CADM1: variants seen among roughly 807,000 people sequenced by gnomAD.
CADM1 encodes the protein TSLC-1.
CADM1 carries 15 observed loss-of-function variants against 53.1 expected under a neutral mutation model. That is an observed-to-expected ratio of 0.28 (90% CI 0.19 to 0.44). CADM1 has a LOEUF of 0.44. CADM1 is among the 20% of genes least tolerant of loss of function. The pLI is 1.00. For missense variants in CADM1, 434 were observed against 611.3 expected (o/e 0.71, Z 3.06); for synonymous variants, 281 against 243.0 (o/e 1.16, Z -1.45).
chr11:115,284,124 G>C (rs1318990737), intron 1 of CADM1, among the ~76,000 whole-genome samples: 3,370 of 36,616 alleles, frequency 0.092, 82 homozygotes, highest in Admixed American at 0.25. Context: ...CTGTGTGTGT[G>C]TGTGTGTGTG....
At chr11:115,272,488 T>C (rs1488908049) in intron 1 of CADM1, among the ~76,000 whole-genome samples, 1 of 152,174 alleles carries the variant, frequency 6.6e-6, no homozygotes, top group African/African-American at 2.4e-5. Flanking sequence ...TAGATTATTA[T>C]GAGTTTAACC....
intron 1 of CADM1, among the ~76,000 whole-genome samples, chr11:115,293,471 C>A (rs976574092): frequency 6.6e-6 from 1 of 152,138 alleles, no homozygotes; most frequent in Non-Finnish European, 1.5e-5. Flanking sequence ...CTATTCTGCC[C>A]TCCAGAGACC....
At chr11:115,211,475 C>CTT (rs1224649182) in intron 7 of CADM1, among the ~76,000 whole-genome samples, 3,380 of 92,244 alleles carry the variant, frequency 0.037, 207 homozygotes, top group African/African-American at 0.05. Flanking sequence ...AATCCTATTT[C>CTT]TTTTTTTTTT....
chr11:115,183,757 A>C lies in CADM1; in HGVS notation c.1166-4982T>G, dbSNP rs1021052998. ...GGCACATTTAGCAACATGGCGCTTAAACGCACACTTTAACTCTTTTCATAG... is the reference window on the plus strand; with the variant it reads ...GGCACATTTAGCAACATGGCGCTTACACGCACACTTTAACTCTTTTCATAG... On this transcript the variant is annotated intron_variant, in intron 10 of 11. Transcript: ENST00000331581. Among the ~76,000 whole-genome samples, 31 of 152,210 alleles carry C rather than the reference A, an allele frequency of 2.0e-4. 1 individual carries two copies. Among genetic ancestry groups the C allele is most frequent in the East Asian group, 1.9e-4 (1 of 5,198 alleles).
intron 1 of CADM1, among the ~76,000 whole-genome samples, chr11:115,331,971 G>A (rs533476456): frequency 8.8e-4 from 132 of 149,796 alleles, no homozygotes; most frequent in Non-Finnish European, 1.4e-3. Context: ...TACATTTATT[G>A]ATCCAATTGT....
chr11:115,273,337 AT>A (rs1469694355), intron 1 of CADM1, among the ~76,000 whole-genome samples: 1 of 152,210 alleles, frequency 6.6e-6, no homozygotes, highest in Non-Finnish European at 1.5e-5. Context: ...ATCATATTAA[AT>A]TCAGAAACAT....
At chr11:115,504,091 G>A (rs1186085420) in intron 1 of CADM1, among the ~76,000 whole-genome samples, 180 bp downstream of exon 1, 1 of 152,132 alleles carries the variant, frequency 6.6e-6, no homozygotes, top group African/African-American at 2.4e-5. Flanking sequence ...AGGGGAGAAG[G>A]GGCTCACAGA....
intron 1 of CADM1, among the ~76,000 whole-genome samples, chr11:115,324,730 T>C (rs1167599077): frequency 6.6e-6 from 1 of 152,188 alleles, no homozygotes; most frequent in African/African-American, 2.4e-5. Flanking sequence ...CAGGTGTCAC[T>C]CAGAGACTGA....
At chr11:115,499,883 GT>G (rs1353580803) in intron 1 of CADM1, among the ~76,000 whole-genome samples, 1 of 152,168 alleles carries the variant, frequency 6.6e-6, no homozygotes, top group Admixed American at 6.5e-5. Context: ...AATTTTTAAT[GT>G]GAATATGAAT....
At chr11:115,308,625 A>G (rs1159729710) in intron 1 of CADM1, among the ~76,000 whole-genome samples, 2 of 152,018 alleles carry the variant, frequency 1.3e-5, no homozygotes, top group Non-Finnish European at 2.9e-5. Context: ...AGAAAGGTAT[A>G]GATATCTATG....
chr11:115,348,542 G>A (rs574943727), intron 1 of CADM1, among the ~76,000 whole-genome samples: 3 of 152,224 alleles, frequency 2.0e-5, no homozygotes, highest in Admixed American at 6.5e-5. Flanking sequence ...GAAGGCTTGC[G>A]GTAATAATTC....
rs1565299180 is a variant in CADM1, at chr11:115,209,589, G to A, written c.1063C>T (p.Leu355Phe). ...TTTTTTTTTI[L>F]TIITDTTATT... ...GATACCATACCTGTGATGATGGTAA[G>A]GATGGTGGTGGTGGTGGTGGTGGTG... The change falls in exon 8 of 12, where the codon CTT becomes TTT. Residue 355 changes from leucine (L) to phenylalanine (F), a missense_variant. Transcript: ENST00000331581. The A allele has an allele frequency of 6.2e-7, 1 of 1,610,262 alleles. No individual in the cohort carries two copies. Among genetic ancestry groups the A allele is most frequent in the Admixed American group, 1.7e-5 (1 of 59,940 alleles).
chr11:115,194,937 G>A (rs989515472), intron 9 of CADM1, among the ~76,000 whole-genome samples: 3 of 152,180 alleles, frequency 2.0e-5, no homozygotes, highest in African/African-American at 2.4e-5. Flanking sequence ...TACACCATCC[G>A]TGCGTTAAAT....
At chr11:115,194,776 G>A (rs986164918) in intron 9 of CADM1, among the ~76,000 whole-genome samples, 7 of 152,130 alleles carry the variant, frequency 4.6e-5, no homozygotes, top group African/African-American at 1.7e-4. Context: ...CCATGGGCAT[G>A]CTGTCACCCG....
intron 1 of CADM1, among the ~76,000 whole-genome samples, chr11:115,482,571 T>A (rs539257010): frequency 1.3e-5 from 2 of 152,342 alleles, no homozygotes; most frequent in South Asian, 4.1e-4. Flanking sequence ...AGAGCCTTCT[T>A]GAGTTGAATC....
chr11:115,308,175 G>GTGTGTGTGTA (rs1353212174), intron 1 of CADM1, among the ~76,000 whole-genome samples: 18 of 117,432 alleles, frequency 1.5e-4, no homozygotes, highest in African/African-American at 6.8e-4. Context: ...GTGTGTGTGT[G>GTGTGTGTGTA]TATATCACTC....
At chr11:115,394,630 A>T (rs1377760674) in intron 1 of CADM1, among the ~76,000 whole-genome samples, 1 of 152,238 alleles carries the variant, frequency 6.6e-6, no homozygotes, top group East Asian at 1.9e-4. Flanking sequence ...CATCTTATTT[A>T]TAAAGAGCTT....
chr11:115,290,542 G>C (rs1241176746), intron 1 of CADM1, among the ~76,000 whole-genome samples: 1 of 152,198 alleles, frequency 6.6e-6, no homozygotes, highest in Non-Finnish European at 1.5e-5. Flanking sequence ...TATTTGATCA[G>C]GGGTGCTTTA....
chr11:115,261,849 G>A (rs1942983845), intron 1 of CADM1, among the ~76,000 whole-genome samples: 2 of 150,002 alleles, frequency 1.3e-5, no homozygotes, highest in Non-Finnish European at 1.5e-5. Context: ...GTTCAATCTC[G>A]GCTCACTGCA....
Sources: allele counts gnomAD v4.1 joint callset (sites outside exome capture counted in the v4.1 genomes callset), GRCh38; gene constraint gnomAD v4.1.1; transcripts MANE v1.5; gene names NCBI Gene and HGNC (gene_info 2026-07-23, HGNC 2026-07-21).